Variants in CEP89 observed in about 807,000 individuals in gnomAD.
CEP89 encodes the protein centrosomal protein of 89 kDa.
In CEP89, 95 loss-of-function variants were observed where a neutral mutation model predicts 97.6. The ratio of observed to expected loss-of-function variants is 0.97; its 90% CI spans 0.82 to 1.15. The LOEUF is 1.15. Ranked by LOEUF, CEP89 falls within the 50% of genes most tolerant of loss-of-function variation. The pLI is 0.00. For missense variants in CEP89, 869 were observed against 947.7 expected (o/e 0.92, Z 1.09); for synonymous variants, 354 against 349.1 (o/e 1.01, Z -0.16).
chr19:32,932,524 T>C (rs1970497463), intron 8 of CEP89, among the ~76,000 whole-genome samples: 1 of 152,166 alleles, frequency 6.6e-6, no homozygotes, highest in African/African-American at 2.4e-5. Flanking sequence ...AAAAACATTT[T>C]ATTGATTTAG....
chr19:32,957,397 A>G (rs140642099), intron 3 of CEP89, among the ~76,000 whole-genome samples: 112 of 112,086 alleles, frequency 1.0e-3, no homozygotes, highest in African/African-American at 4.1e-3. Context: ...GTGCATGAGC[A>G]TGGCTCACAC....
chr19:32,961,979 T>C (rs778840889), intron 2 of CEP89, among the ~76,000 whole-genome samples: 13 of 151,676 alleles, frequency 8.6e-5, no homozygotes, highest in Non-Finnish European at 1.3e-4. Flanking sequence ...TTTGGTGCAA[T>C]TGTCACACAG....
intron 5 of CEP89, among the ~76,000 whole-genome samples, chr19:32,942,227 C>T (rs897747418): frequency 6.6e-6 from 1 of 151,930 alleles, no homozygotes; most frequent in East Asian, 1.9e-4. Flanking sequence ...ACAAAAAATA[C>T]CAAATTAGTC....
intron 3 of CEP89, among the ~76,000 whole-genome samples, chr19:32,955,200 C>T (rs1971021543): frequency 6.6e-6 from 1 of 152,008 alleles, no homozygotes; most frequent in Non-Finnish European, 1.5e-5. Flanking sequence ...AGGGGTTTCA[C>T]CATGTTGCCC....
At chr19:32,883,217 T>C (rs1969323449) in intron 17 of CEP89, among the ~76,000 whole-genome samples, 1 of 151,968 alleles carries the variant, frequency 6.6e-6, no homozygotes, top group Non-Finnish European at 1.5e-5. Context: ...CACAGACTCA[T>C]TTTTTTATAA....
intron 16 of CEP89, among the ~76,000 whole-genome samples, chr19:32,888,297 A>G (rs544711043): frequency 6.6e-6 from 1 of 152,358 alleles, no homozygotes; most frequent in East Asian, 1.9e-4. Context: ...TACATCCAGC[A>G]GAGATGACAT....
chr19:32,891,405 T>C (rs545862959), intron 16 of CEP89, among the ~76,000 whole-genome samples: 1 of 152,244 alleles, frequency 6.6e-6, no homozygotes, highest in South Asian at 2.1e-4. Flanking sequence ...AATAAGTGAC[T>C]GTTACACTTG....
chr19:32,947,383 A>G (rs971905832), intron 5 of CEP89, among the ~76,000 whole-genome samples: 2 of 152,038 alleles, frequency 1.3e-5, no homozygotes, highest in African/African-American at 4.8e-5. Flanking sequence ...CCCTACCTCT[A>G]TTGCTTAAAC....
chr19:32,899,863 C>G lies in CEP89; in HGVS notation c.1869G>C (p.Met623Ile). The G allele has an allele frequency of 6.2e-7, 1 of 1,613,668 alleles. No individual in the cohort carries two copies. The highest frequency in any genetic ancestry group is 8.5e-7 in the Non-Finnish European group (1 of 1,179,704). ...TAACCTTCAGGAAACTTACCAAACA[C>G]ATAAGACTGTCACGTTCCTGGGTTA... is the stretch of plus-strand genomic sequence containing the variant. ...ENITQERDSL[M>I]CLAKCLESEK... The change falls in exon 16 of 19, where the codon ATG (methionine) becomes ATC (isoleucine). Residue 623 changes from methionine to isoleucine, a missense_variant. Met to Ile is a conservative substitution (Grantham distance 10, BLOSUM62 1). Coordinates refer to ENST00000305768, the MANE Select transcript of CEP89 (RefSeq NM_032816.5).
At chr19:32,897,329 C>T (rs530798535) in intron 16 of CEP89, among the ~76,000 whole-genome samples, 2 of 152,250 alleles carry the variant, frequency 1.3e-5, no homozygotes, top group African/African-American at 4.8e-5. Flanking sequence ...GTCATGGGGT[C>T]ATGGGTGCCA....
chr19:32,961,533 C>G (rs2897033), intron 2 of CEP89, among the ~76,000 whole-genome samples: 3 of 145,124 alleles, frequency 2.1e-5, no homozygotes, highest in African/African-American at 7.7e-5. Flanking sequence ...GAGCCGAGAT[C>G]GCGCCACTGC....
intron 18 of CEP89, among the ~76,000 whole-genome samples, chr19:32,881,444 C>T (rs888170220): frequency 2.0e-5 from 3 of 151,582 alleles, no homozygotes; most frequent in African/African-American, 4.8e-5. Flanking sequence ...GTGGGAGAAC[C>T]GCTTGAATCC....
At chr19:32,892,676 GAAAA>G (rs61294746) in intron 16 of CEP89, among the ~76,000 whole-genome samples, 18 of 107,394 alleles carry the variant, frequency 1.7e-4, no homozygotes, top group African/African-American at 3.4e-4. Context: ...AGGGCTAAAA[GAAAA>G]AAAAAAAAAA....
intron 7 of CEP89, 58 bp downstream of exon 7, chr19:32,937,573 A>T: frequency 8.1e-7 from 1 of 1,234,504 alleles, no homozygotes; most frequent in South Asian, 1.2e-5. Context: ...GATAAAATTA[A>T]TCTGGATATT....
chr19:32,900,245 C>CTTTT (rs1568549962), intron 15 of CEP89, among the ~76,000 whole-genome samples: 4 of 91,572 alleles, frequency 4.4e-5, no homozygotes, highest in Admixed American at 1.2e-4. Flanking sequence ...TGAATAGGTT[C>CTTTT]ATTTTTTTTT....
intron 16 of CEP89, among the ~76,000 whole-genome samples, chr19:32,891,915 C>G (rs1467474063): frequency 6.6e-6 from 1 of 150,664 alleles, no homozygotes; most frequent in Non-Finnish European, 1.5e-5. Context: ...TTCTGGTGTT[C>G]CAAGGGGTGA....
chr19:32,877,849 G>A lies in CEP89; in HGVS notation c.*1313C>T, dbSNP rs932053902. On this transcript the variant is annotated 3_prime_UTR_variant, in exon 19 of 19. Coordinates refer to ENST00000305768, the MANE Select transcript of CEP89 (RefSeq NM_032816.5). Reference sequence around the variant, plus strand: ...GGCTGGGGTATAATGGCGTGATCTTGGTTCACTGCAACCTCCGCCTTCCAG... The same window carrying A: ...GGCTGGGGTATAATGGCGTGATCTTAGTTCACTGCAACCTCCGCCTTCCAG... 1 of 151,856 alleles carries A rather than the reference G, an allele frequency of 6.6e-6. No individual in the cohort carries two copies. The highest frequency in any genetic ancestry group is 1.5e-5 in the Non-Finnish European group (1 of 68,002). The allele number at this position is 151,856 out of a possible 1,614,324, so 9.4% of individuals were successfully genotyped here. A position where few individuals can be genotyped will look rare whatever the true frequency, so the allele number is the denominator to read the frequency against.
chr19:32,951,557 A>G (rs1315275407), intron 4 of CEP89, among the ~76,000 whole-genome samples: 1 of 150,916 alleles, frequency 6.6e-6, no homozygotes, highest in Non-Finnish European at 1.5e-5. Context: ...ACACACACAC[A>G]CACACACACG....
intron 7 of CEP89, among the ~76,000 whole-genome samples, chr19:32,935,670 A>G (rs1461082733): frequency 2.0e-5 from 3 of 152,158 alleles, no homozygotes; most frequent in Non-Finnish European, 4.4e-5. Context: ...GAGCAGTGAC[A>G]CTGATGGCAG....
Sources: allele counts gnomAD v4.1 joint callset (sites outside exome capture counted in the v4.1 genomes callset), GRCh38; gene constraint gnomAD v4.1.1; transcripts MANE v1.5; gene names NCBI Gene and HGNC (gene_info 2026-07-23, HGNC 2026-07-21).